The following PAX7 variants were observed in gnomAD, a reference collection of about 807,000 sequenced individuals.
PAX7 encodes paired box protein Pax-7.
A neutral mutation model predicts 50.7 loss-of-function variants in PAX7; 18 were observed. The observed-to-expected ratio is 0.36, with a 90% CI of 0.25 to 0.53. PAX7 has a LOEUF of 0.53. Ranked by LOEUF, PAX7 falls within the 20% of genes least tolerant of loss-of-function variation. PAX7 has a pLI of 0.93. For missense variants in PAX7, 644 were observed against 702.9 expected, an observed-to-expected ratio of 0.92 and a Z score of 0.95; for synonymous variants, 310 against 290.4, an observed-to-expected ratio of 1.07 and a Z score of -0.69.
Position 18,631,530 on chromosome 1 carries a change from T to G in PAX7, c.-74T>G. 1 of 1,210,078 alleles carries G rather than the reference T, an allele frequency of 8.3e-7. No homozygotes were observed. Among genetic ancestry groups the G allele is most frequent in the Admixed American group, 2.0e-5 (1 of 51,114 alleles). 75.0% of individuals were successfully genotyped at this position (1,210,078 alleles called of 1,614,324 possible). A position where few individuals can be genotyped will look rare whatever the true frequency, so the allele number is the denominator to read the frequency against. The stretch of plus-strand genomic sequence containing the variant: ...GACGAAGAAGACGGAAAGAAAGAGA[T>G]CGCAGCAGGGGTGAAGGGAGCGGAC... On this transcript the variant is annotated 5_prime_UTR_variant, in exon 1 of 9. Coordinates refer to ENST00000420770, the MANE Select transcript of PAX7 (RefSeq NM_001135254.2).
intron 4 of PAX7, among the ~76,000 whole-genome samples, chr1:18,665,634 A>G (rs2088657506): frequency 6.7e-6 from 1 of 149,424 alleles, no homozygotes; most frequent in Non-Finnish European, 1.5e-5. Flanking sequence ...CACCCTCCCA[A>G]AGTGCTGGGA....
chr1:18,743,218 T>G (rs1013744725), intron 8 of PAX7, among the ~76,000 whole-genome samples: 15 of 152,196 alleles, frequency 9.9e-5, no homozygotes, highest in African/African-American at 2.9e-4. Flanking sequence ...CGATCCCCAT[T>G]TTACAGACAA....
chr1:18,670,723 G>C (rs763354822), intron 4 of PAX7, among the ~76,000 whole-genome samples: 5 of 152,202 alleles, frequency 3.3e-5, no homozygotes, highest in Admixed American at 6.5e-5. Flanking sequence ...CCAGCCGGCA[G>C]GGGCTGCAGG....
intron 4 of PAX7, among the ~76,000 whole-genome samples, chr1:18,639,718 T>C (rs2088220364): frequency 6.6e-6 from 1 of 152,156 alleles, no homozygotes; most frequent in Non-Finnish European, 1.5e-5. Flanking sequence ...AAACCGTTCC[T>C]CAGTGGGAGC....
intron 7 of PAX7, among the ~76,000 whole-genome samples, chr1:18,722,304 C>A (rs1482427705): frequency 6.6e-6 from 1 of 152,028 alleles, no homozygotes; most frequent in Non-Finnish European, 1.5e-5. Context: ...CCCATATAAC[C>A]CGAGGCATCG....
rs897188523 is a variant in PAX7, at chr1:18,747,483, G to T, written c.*2554G>T. 1.8e-5 allele frequency: 4 copies of T among 218,394 alleles called. No individual in the cohort carries two copies. The highest frequency in any genetic ancestry group is 3.7e-5 in the Non-Finnish European group (4 of 108,698). 13.5% of individuals were successfully genotyped at this position (218,394 alleles called of 1,614,324 possible). ...GTATATTAACGCATCTGGCCAACTT[G>T]GGTTATAAAATTCAGCCTTGTGTTG... On this transcript the variant is annotated 3_prime_UTR_variant, in exon 9 of 9. Coordinates refer to ENST00000420770, the MANE Select transcript of PAX7 (RefSeq NM_001135254.2).
chr1:18,638,162 C>T (rs370606375), intron 4 of PAX7, among the ~76,000 whole-genome samples: 21 of 152,334 alleles, frequency 1.4e-4, no homozygotes, highest in African/African-American at 4.3e-4. Flanking sequence ...CTTGGAGAGA[C>T]TTTAATTGTG....
intron 3 of PAX7, among the ~76,000 whole-genome samples, 161 bp downstream of exon 3, chr1:18,635,401 G>T (rs1038984689): frequency 1.3e-5 from 2 of 151,694 alleles, no homozygotes; most frequent in Non-Finnish European, 2.9e-5. Context: ...TTAAGGCATA[G>T]GAGTAAATCA....
At chr1:18,679,330 C>G (rs1271336873) in intron 4 of PAX7, among the ~76,000 whole-genome samples, 1 of 152,204 alleles carries the variant, frequency 6.6e-6, no homozygotes, top group Non-Finnish European at 1.5e-5. Context: ...GGCTCCAGCA[C>G]TGAGGAGGGG....
rs573686540 is a variant in PAX7, at chr1:18,676,417, C to T, written c.587-15337C>T. Among the ~76,000 whole-genome samples the T allele has an allele frequency of 1.2e-3, 171 of 136,902 alleles. 2 individuals are homozygous for T. The highest frequency in any genetic ancestry group is 4.8e-4 in the East Asian group (2 of 4,164). 89.8% of individuals were successfully genotyped at this position (136,902 alleles called of 152,430 possible). A position where few individuals can be genotyped will look rare whatever the true frequency, so the allele number is the denominator to read the frequency against. On this transcript the variant is annotated intron_variant, in intron 4 of 8. Coordinates refer to ENST00000420770, the MANE Select transcript of PAX7 (RefSeq NM_001135254.2). ...GGAGAGAGGGTGGGGAGGGGGGCAG[C>T]GGGAGAATGCACCATGAAAGGCCTC... is the stretch of plus-strand genomic sequence containing the variant.
chr1:18,681,731 TTTTATTTTATTTTATTTTA>T (rs2088904154), intron 4 of PAX7, among the ~76,000 whole-genome samples: 1 of 136,336 alleles, frequency 7.3e-6, no homozygotes, highest in Non-Finnish European at 1.6e-5. Flanking sequence ...TTTTATTTTA[TTTTATTTTATTTTATTTTA>T]TTTTTATTTT....
At chr1:18,702,855 T>G (rs1425261260) in intron 6 of PAX7, among the ~76,000 whole-genome samples, 1 of 152,198 alleles carries the variant, frequency 6.6e-6, no homozygotes, top group African/African-American at 2.4e-5. Context: ...GAACAGTGGC[T>G]GGTGTGCACC....
Position 18,746,834 on chromosome 1 carries a change from GC to G in PAX7, c.*1907del, listed in dbSNP as rs1357362054. On this transcript the variant is annotated 3_prime_UTR_variant, in exon 9 of 9. Transcript: ENST00000420770. ...TCATCTTCAGACTTGGCGATATCAA[GC>G]CTGTTCTGGACCATGACCAGGCTGG... is the stretch of plus-strand genomic sequence containing the variant. 1 of 231,464 alleles carries G rather than the reference GC, an allele frequency of 4.3e-6. No homozygotes were observed. The highest frequency in any genetic ancestry group is 2.2e-5 in the African/African-American group (1 of 45,224). The allele number at this position is 231,464 out of a possible 1,614,324, so 14.3% of individuals were successfully genotyped here. A position where few individuals can be genotyped will look rare whatever the true frequency, so the allele number is the denominator to read the frequency against.
intron 7 of PAX7, among the ~76,000 whole-genome samples, chr1:18,705,449 T>C (rs2089271143): frequency 6.6e-6 from 1 of 152,186 alleles, no homozygotes; most frequent in Admixed American, 6.5e-5. Context: ...TGTGTGCAGC[T>C]GTCTTGCTTT....
chr1:18,692,647 G>C, intron 5 of PAX7, among the ~76,000 whole-genome samples: 1 of 152,262 alleles, frequency 6.6e-6, no homozygotes, highest in East Asian at 1.9e-4. Flanking sequence ...AGCAGAGGAA[G>C]TGATCAGGAG....
At chr1:18,649,006 G>A (rs765085359) in intron 4 of PAX7, among the ~76,000 whole-genome samples, 4 of 152,164 alleles carry the variant, frequency 2.6e-5, no homozygotes, top group Non-Finnish European at 4.4e-5. Context: ...CAAGGGTACT[G>A]AGCCCGTGAC....
Position 18,735,897 on chromosome 1 carries a change from G to A in PAX7, c.1402+19G>A. 1 of 1,614,050 alleles carries A rather than the reference G, an allele frequency of 6.2e-7. No homozygotes were observed. Among genetic ancestry groups the A allele is most frequent in the Non-Finnish European group, 8.5e-7 (1 of 1,180,016 alleles). ...GGCCAGAGTGAGTGCCTGGTGCCCT[G>A]GGCGTCCCCCGTCCCCATTCCTTCT... is the stretch of plus-strand genomic sequence containing the variant. On this transcript the variant is annotated intron_variant, in intron 8 of 8. Coordinates refer to ENST00000420770, the MANE Select transcript of PAX7 (RefSeq NM_001135254.2). The surrounding 1 kb of genome is among the most constrained non-coding windows in gnomAD (Gnocchi z 4.0).
chr1:18,677,519 C>T (rs1570158702), intron 4 of PAX7, among the ~76,000 whole-genome samples: 1 of 152,154 alleles, frequency 6.6e-6, no homozygotes, highest in Non-Finnish European at 1.5e-5. Flanking sequence ...CTGTTGGGCA[C>T]ATGCTTCTCT....
chr1:18,678,091 A>AG (rs2088849446), intron 4 of PAX7, among the ~76,000 whole-genome samples: 1 of 149,888 alleles, frequency 6.7e-6, no homozygotes, highest in African/African-American at 2.5e-5. Context: ...GAAAAAAAAA[A>AG]AAAAAGAAAA....
Sources: allele counts gnomAD v4.1 joint callset (sites outside exome capture counted in the v4.1 genomes callset), GRCh38; gene constraint gnomAD v4.1.1; non-coding constraint Gnocchi (gnomAD v3.1); transcripts MANE v1.5; gene names NCBI Gene and HGNC (gene_info 2026-07-23, HGNC 2026-07-21).